The following ASIC2 variants were observed in gnomAD, a reference collection of about 807,000 sequenced individuals.
ASIC2 encodes the protein acid sensing ion channel subunit 2.
In ASIC2, 25 loss-of-function variants were observed where a neutral mutation model predicts 57.3. The observed-to-expected ratio is 0.44, with a 90% CI of 0.32 to 0.61. ASIC2 has a LOEUF of 0.61. ASIC2 is among the 20% of genes least tolerant of loss of function. ASIC2 has a pLI of 0.06. For missense variants in ASIC2, 641 were observed against 738.1 expected, an observed-to-expected ratio of 0.87 and a Z score of 1.52; for synonymous variants, 319 against 307.5, an observed-to-expected ratio of 1.04 and a Z score of -0.39.
At chr17:33,586,769 C>G (rs763227344) in intron 1 of ASIC2, among the ~76,000 whole-genome samples, 3 of 152,248 alleles carry the variant, frequency 2.0e-5, no homozygotes, top group Non-Finnish European at 4.4e-5. Flanking sequence ...ATCCCTTTCA[C>G]TCTGCTCGAC....
At chr17:33,463,416 A>G (rs1912707573) in intron 1 of ASIC2, among the ~76,000 whole-genome samples, 2 of 152,320 alleles carry the variant, frequency 1.3e-5, no homozygotes, top group East Asian at 1.9e-4. Context: ...GATCACATCT[A>G]AAAACTACTC....
intron 1 of ASIC2, among the ~76,000 whole-genome samples, chr17:33,674,631 A>G (rs769799935): frequency 4.6e-5 from 7 of 152,220 alleles, no homozygotes; most frequent in Non-Finnish European, 1.0e-4. Context: ...AAATTCAGAG[A>G]GATGAAGTGA....
At chr17:33,064,093 C>T (rs371068352) in intron 3 of ASIC2, among the ~76,000 whole-genome samples, 1 of 152,152 alleles carries the variant, frequency 6.6e-6, no homozygotes, top group East Asian at 1.9e-4. Context: ...AACTTCTTTG[C>T]GATGGGTTCA....
At chr17:33,782,460 G>A (rs1911482597) in intron 1 of ASIC2, among the ~76,000 whole-genome samples, 1 of 150,964 alleles carries the variant, frequency 6.6e-6, no homozygotes, top group East Asian at 1.9e-4. Context: ...GCCAGGCATG[G>A]TGGCTCACAC....
chr17:33,789,084 G>A (rs1911691083), intron 1 of ASIC2, among the ~76,000 whole-genome samples: 1 of 152,138 alleles, frequency 6.6e-6, no homozygotes, highest in Non-Finnish European at 1.5e-5. Context: ...CTCTTGCAGT[G>A]TAAGACATGC....
intron 1 of ASIC2, chr17:34,005,138 C>G (rs1286026667): frequency 6.6e-6 from 1 of 152,138 alleles, no homozygotes; most frequent in African/African-American, 2.4e-5. Flanking sequence ...GATTCATCTT[C>G]ATAAAAGTTT....
chr17:33,901,566 A>G lies in ASIC2; in HGVS notation c.555+254412T>C, dbSNP rs148935438. Among the ~76,000 whole-genome samples, 437 of 152,308 alleles carry G rather than the reference A, an allele frequency of 2.9e-3. 7 individuals are homozygous for G. Among genetic ancestry groups the G allele is most frequent in the African/African-American group, 0.01 (423 of 41,580 alleles). ...GGGGGTAAAAAGATCGATAAGACAC[A>G]GTTCCTGCAAAGCCACATTTCAGCT... On this transcript the variant is annotated intron_variant, in intron 1 of 9. Coordinates refer to the ASIC2 transcript ENST00000359872.
chr17:34,091,531 C>G (rs1226293119), intron 1 of ASIC2, among the ~76,000 whole-genome samples: 2 of 152,238 alleles, frequency 1.3e-5, no homozygotes, highest in Non-Finnish European at 2.9e-5. Context: ...GAATCCCTGG[C>G]AGCTCTGGCC....
At chr17:33,970,928 G>A (rs11870745) in intron 1 of ASIC2, among the ~76,000 whole-genome samples, 16,770 of 152,060 alleles carry the variant, frequency 0.11, 1,723 homozygotes, top group African/African-American at 0.27. Flanking sequence ...CAGATTCATC[G>A]CCCTTCAGTC....
At chr17:33,182,870 C>A (rs1160496308) in intron 1 of ASIC2, among the ~76,000 whole-genome samples, 4 of 152,140 alleles carry the variant, frequency 2.6e-5, no homozygotes, top group African/African-American at 9.7e-5. Flanking sequence ...AGGTTTCCAA[C>A]AAAATCCTTA....
chr17:33,311,596 T>A (rs1906428384), intron 1 of ASIC2, among the ~76,000 whole-genome samples: 1 of 152,162 alleles, frequency 6.6e-6, no homozygotes, highest in Non-Finnish European at 1.5e-5. Context: ...GAGCTGAGAC[T>A]CTAGGAGTTT....
At chr17:34,084,214 G>A (rs1910007235) in intron 1 of ASIC2, among the ~76,000 whole-genome samples, 4 of 151,778 alleles carry the variant, frequency 2.6e-5, no homozygotes, top group Admixed American at 2.0e-4. Context: ...GTGTAAGGAA[G>A]GAATCCAGTT....
chr17:33,266,222 A>T (rs1220258194), intron 1 of ASIC2, among the ~76,000 whole-genome samples: 1 of 152,090 alleles, frequency 6.6e-6, no homozygotes, highest in East Asian at 1.9e-4. Context: ...TGTATACAAC[A>T]CACATGTGTT....
intron 1 of ASIC2, among the ~76,000 whole-genome samples, chr17:33,854,534 G>T (rs1437585804): frequency 6.6e-6 from 1 of 152,228 alleles, no homozygotes; most frequent in African/African-American, 2.4e-5. Context: ...GCATGTCTCT[G>T]CTCTGGCTAT....
At chr17:33,539,305 T>A (rs1915332130) in intron 1 of ASIC2, among the ~76,000 whole-genome samples, 1 of 152,250 alleles carries the variant, frequency 6.6e-6, no homozygotes, top group Non-Finnish European at 1.5e-5. Context: ...CCTTCTGGAC[T>A]TTCCCTGGTG....
chr17:33,522,472 G>T (rs1194874078), intron 1 of ASIC2, among the ~76,000 whole-genome samples: 1 of 152,162 alleles, frequency 6.6e-6, no homozygotes, highest in African/African-American at 2.4e-5. Flanking sequence ...TCTGACCATG[G>T]TTGGAATCCT....
At chr17:33,428,132 T>A (rs549325020) in intron 1 of ASIC2, among the ~76,000 whole-genome samples, 1 of 152,304 alleles carries the variant, frequency 6.6e-6, no homozygotes, top group Middle Eastern at 3.4e-3. Context: ...GCTACACCAT[T>A]CTCTAGCTTC....
At chr17:33,479,464 T>C (rs894242213) in intron 1 of ASIC2, among the ~76,000 whole-genome samples, 21 of 152,194 alleles carry the variant, frequency 1.4e-4, no homozygotes, top group African/African-American at 4.6e-4. Context: ...TGCCAGACCT[T>C]GTTTGGACTC....
intron 1 of ASIC2, among the ~76,000 whole-genome samples, chr17:33,546,774 C>T (rs1915591079): frequency 1.3e-5 from 2 of 152,174 alleles, no homozygotes; most frequent in African/African-American, 4.8e-5. Context: ...TTTCTCTCTC[C>T]TCTTACAGAT....
Sources: gnomAD v4.1 joint callset for allele counts (sites outside exome capture counted in the v4.1 genomes callset) on GRCh38, gnomAD v4.1.1 for gene constraint, MANE v1.5 for transcripts, NCBI Gene and HGNC (gene_info 2026-07-23, HGNC 2026-07-21) for gene names.